ITPRID1: variants seen among roughly 807,000 people sequenced by gnomAD.
ITPRID1 encodes the protein protein ITPRID1.
In ITPRID1, 96 loss-of-function variants were observed where a neutral mutation model predicts 95.4. The observed-to-expected ratio is 1.01, with a 90% CI of 0.85 to 1.19. ITPRID1 has a LOEUF of 1.19. Among genes scored for constraint, ITPRID1 ranks in the 50% most tolerant of loss-of-function variants. ITPRID1 has a pLI of 0.00. For missense variants in ITPRID1, 1,339 were observed against 1,252.9 expected (o/e 1.07, Z -1.04); for synonymous variants, 510 against 453.6 (o/e 1.12, Z -1.58).
At chr7:31,584,777 CTG>C (rs1312270178) in intron 10 of ITPRID1, among the ~76,000 whole-genome samples, 4 of 152,214 alleles carry the variant, frequency 2.6e-5, no homozygotes, top group Non-Finnish European at 4.4e-5. Context: ...TATATGATAA[CTG>C]TGTGTGTAAT....
intron 12 of ITPRID1, among the ~76,000 whole-genome samples, chr7:31,646,576 G>A (rs1790488732): frequency 1.3e-5 from 2 of 152,322 alleles, no homozygotes; most frequent in Admixed American, 1.3e-4. Context: ...GTGGACCCGA[G>A]CTCTTCTTAT....
chr7:31,657,115 AATC>A (rs1791342132), downstream of ITPRID1, among the ~76,000 whole-genome samples: 1 of 938 alleles, frequency 1.1e-3, no homozygotes, highest in South Asian at 0.017. Context: ...ATATATATAA[AATC>A]ATATATATCA....
intron 5 of ITPRID1, among the ~76,000 whole-genome samples, chr7:31,560,797 A>T (rs1247051363): frequency 1.3e-5 from 2 of 152,198 alleles, no homozygotes; most frequent in Admixed American, 6.5e-5. Context: ...CCAAGAAGGT[A>T]CTATTGAGTA....
intron 1 of ITPRID1, among the ~76,000 whole-genome samples, chr7:31,536,101 A>C (rs1300819863): frequency 6.6e-6 from 1 of 152,262 alleles, no homozygotes; most frequent in South Asian, 2.1e-4. Context: ...TGGGGCTTCA[A>C]AAATACGGAC....
intron 12 of ITPRID1, among the ~76,000 whole-genome samples, chr7:31,644,721 G>C (rs1334361233): frequency 2.0e-5 from 3 of 152,098 alleles, no homozygotes; most frequent in Non-Finnish European, 2.9e-5. Context: ...AGTTTTTAAG[G>C]TAAGAAATGA....
chr7:31,598,406 T>TC (rs1398648798), intron 10 of ITPRID1, among the ~76,000 whole-genome samples: 108 of 140,900 alleles, frequency 7.7e-4, no homozygotes, highest in African/African-American at 2.8e-3. Flanking sequence ...TTCTTTTTTT[T>TC]TTTTTTTTTT....
intron 1 of ITPRID1, among the ~76,000 whole-genome samples, chr7:31,533,293 A>G (rs34448598): frequency 0.18 from 27,738 of 152,082 alleles, 3,032 homozygotes; most frequent in East Asian, 0.3. Flanking sequence ...ATGTATTGTC[A>G]TGAAGTTTCT....
rs1357123232 is a variant in ITPRID1 at position 31,656,257 on chromosome 7, A to G, written c.*3428A>G. 4 of 177,782 alleles carry G rather than the reference A, an allele frequency of 2.2e-5. No individual in the cohort carries two copies. The highest frequency in any genetic ancestry group is 4.4e-5 in the Non-Finnish European group (4 of 91,490). The allele number at this position is 177,782 out of a possible 1,614,324, so 11.0% of individuals were successfully genotyped here. ...GTACCTACTACCCTGTGTTTAAGAG[A>G]GACTATCTGGAGGAAAGTACAGACT... On this transcript the variant is annotated 3_prime_UTR_variant, in exon 15 of 15. Coordinates refer to ENST00000615280, the MANE Select transcript of ITPRID1 (RefSeq NM_001257967.3).
intron 12 of ITPRID1, among the ~76,000 whole-genome samples, chr7:31,650,047 A>C (rs1303598958): frequency 6.6e-6 from 1 of 152,188 alleles, no homozygotes; most frequent in African/African-American, 2.4e-5. Context: ...TGTGTTTGTG[A>C]GCCAGCAGTA....
chr7:31,638,143 G>C (rs1413822356), intron 10 of ITPRID1, among the ~76,000 whole-genome samples: 2 of 152,190 alleles, frequency 1.3e-5, no homozygotes, highest in Admixed American at 6.5e-5. Context: ...AAAGGTTACT[G>C]CAAGAATCAT....
Position 31,554,911 on chromosome 7 carries a change from G to A in ITPRID1, c.256+10G>A, listed in dbSNP as rs1478446635. ...GTCATTGACCGCACTGGTAAGACAA[G>A]AGAAGCAGTTATGCTTTGGGAAGCT... On this transcript the variant is annotated intron_variant, in intron 5 of 14. Coordinates refer to ENST00000615280, the MANE Select transcript of ITPRID1 (RefSeq NM_001257967.3). 7.0e-6 allele frequency: 11 copies of A among 1,572,972 alleles called. No homozygotes were observed. Among genetic ancestry groups the A allele is most frequent in the Non-Finnish European group, 9.5e-6 (11 of 1,155,014 alleles).
At chr7:31,651,060 T>TG in intron 12 of ITPRID1, 82 bp from the exon 13 acceptor site, 1 of 1,489,676 alleles carries the variant, frequency 6.7e-7, no homozygotes, top group Non-Finnish European at 9.0e-7. Flanking sequence ...GGATCCCAAA[T>TG]GGGAAGACAG....
At chr7:31,567,866 C>T (rs1309521119) in intron 5 of ITPRID1, among the ~76,000 whole-genome samples, 1 of 152,158 alleles carries the variant, frequency 6.6e-6, no homozygotes, top group Non-Finnish European at 1.5e-5. Flanking sequence ...TGGCTCATGC[C>T]TGTAGTCCCA....
intron 10 of ITPRID1, among the ~76,000 whole-genome samples, chr7:31,607,394 C>T (rs62448767): frequency 2.0e-5 from 3 of 152,046 alleles, no homozygotes; most frequent in African/African-American, 7.2e-5. Context: ...TTTGAGACCT[C>T]GTGTTTAAAC....
intron 1 of ITPRID1, among the ~76,000 whole-genome samples, chr7:31,519,620 C>CTCTCTCTCTCTCTATATATATATATATA: frequency 1.2e-4 from 3 of 25,268 alleles, no homozygotes; most frequent in Non-Finnish European, 2.2e-4. Context: ...CTCTCTCTCT[C>CTCTCTCTCTCTCTATATATATATATATA]TATATATATA....
At chr7:31,642,285 T>G in intron 11 of ITPRID1, 27 bp downstream of exon 11, 2 of 1,453,366 alleles carry the variant, frequency 1.4e-6, no homozygotes, top group East Asian at 2.5e-5. Context: ...CAGGGCCCTG[T>G]TGCTCATCCC....
At chr7:31,658,511 T>C (rs1791394940), downstream of ITPRID1, 4 of 858,678 alleles carry the variant, frequency 4.7e-6, no homozygotes, top group South Asian at 1.7e-4. Flanking sequence ...AGAAAAAGTT[T>C]TAGAGTGTTT....
chr7:31,587,925 C>T (rs1785689745), intron 10 of ITPRID1, among the ~76,000 whole-genome samples: 1 of 152,060 alleles, frequency 6.6e-6, no homozygotes, highest in Non-Finnish European at 1.5e-5. Context: ...GCTGGGAAAA[C>T]TGGCTAGCCA....
At chr7:31,647,798 A>G (rs1157303078) in intron 12 of ITPRID1, among the ~76,000 whole-genome samples, 2 of 152,136 alleles carry the variant, frequency 1.3e-5, no homozygotes, top group South Asian at 2.1e-4. Context: ...TGAAGACTCA[A>G]AAACATCATT....
Sources: gnomAD v4.1 joint callset for allele counts (sites outside exome capture counted in the v4.1 genomes callset) on GRCh38, gnomAD v4.1.1 for gene constraint, MANE v1.5 for transcripts, NCBI Gene and HGNC (gene_info 2026-07-23, HGNC 2026-07-21) for gene names.